Variants in SORCS3 observed in about 807,000 individuals in gnomAD.
SORCS3 encodes VPS10 domain-containing receptor SorCS3.
In SORCS3, 57 loss-of-function variants were observed where a neutral mutation model predicts 146.3. The ratio of observed to expected loss-of-function variants is 0.39; its 90% CI spans 0.31 to 0.49. The LOEUF is 0.49. Ranked by LOEUF, SORCS3 falls within the 20% of genes least tolerant of loss-of-function variation. SORCS3 has a pLI of 0.92. For missense variants in SORCS3, 1,341 were observed against 1,575.5 expected, an observed-to-expected ratio of 0.85 and a Z score of 2.52; for synonymous variants, 653 against 618.5, an observed-to-expected ratio of 1.06 and a Z score of -0.83.
intron 1 of SORCS3, among the ~76,000 whole-genome samples, chr10:104,753,522 A>G (rs891734885): frequency 6.6e-6 from 1 of 152,238 alleles, no homozygotes; most frequent in Admixed American, 6.5e-5. Flanking sequence ...AAGAGTGTTA[A>G]GTATTTACTG....
intron 9 of SORCS3, among the ~76,000 whole-genome samples, chr10:105,152,976 A>C (rs1450886176): frequency 6.6e-6 from 1 of 152,044 alleles, no homozygotes. Flanking sequence ...TAATTTATGT[A>C]TAGTAAAATT....
intron 7 of SORCS3, among the ~76,000 whole-genome samples, chr10:105,124,757 C>T (rs757692809): frequency 9.9e-5 from 15 of 152,102 alleles, no homozygotes; most frequent in Non-Finnish European, 1.9e-4. Flanking sequence ...CTCCCTCTAG[C>T]CTTGTAACCT....
intron 14 of SORCS3, among the ~76,000 whole-genome samples, chr10:105,181,385 T>A (rs1309077604): frequency 6.6e-6 from 1 of 151,968 alleles, no homozygotes; most frequent in Non-Finnish European, 1.5e-5. Flanking sequence ...TGTAGAGGTG[T>A]CTATATGGAG....
At chr10:105,073,552 C>T (rs1206341616) in intron 5 of SORCS3, among the ~76,000 whole-genome samples, 1 of 152,134 alleles carries the variant, frequency 6.6e-6, no homozygotes, top group East Asian at 1.9e-4. Flanking sequence ...TTGGGCCTTT[C>T]CATGAGGCTA....
chr10:105,167,445 G>A, intron 13 of SORCS3, 96 bp downstream of exon 13: 6 of 831,724 alleles, frequency 7.2e-6, no homozygotes, highest in Non-Finnish European at 1.2e-5. Context: ...GTACCCATTT[G>A]TACATTTCCT....
chr10:105,082,883 A>G (rs898258292), intron 5 of SORCS3, among the ~76,000 whole-genome samples: 1 of 152,042 alleles, frequency 6.6e-6, no homozygotes, highest in Non-Finnish European at 1.5e-5. Flanking sequence ...TGTACACACC[A>G]CCACACCCGG....
At chr10:104,727,154 A>T (rs1255584217) in intron 1 of SORCS3, among the ~76,000 whole-genome samples, 1 of 152,218 alleles carries the variant, frequency 6.6e-6, no homozygotes, top group African/African-American at 2.4e-5. Flanking sequence ...CAGGACTTTC[A>T]TGTGGTAGAT....
intron 2 of SORCS3, among the ~76,000 whole-genome samples, chr10:104,882,540 T>C (rs2018641778): frequency 6.6e-6 from 1 of 152,170 alleles, no homozygotes. Flanking sequence ...CTTAGAACTG[T>C]AGAATTCTAC....
intron 2 of SORCS3, among the ~76,000 whole-genome samples, chr10:104,870,357 T>C (rs1379582755): frequency 1.3e-5 from 2 of 152,228 alleles, no homozygotes; most frequent in Non-Finnish European, 2.9e-5. Context: ...CATGCATTTA[T>C]GCAACAGGTA....
At chr10:104,923,522 G>T (rs572586945) in intron 3 of SORCS3, among the ~76,000 whole-genome samples, 7 of 152,302 alleles carry the variant, frequency 4.6e-5, no homozygotes, top group African/African-American at 1.2e-4. Flanking sequence ...CAATTAAGGG[G>T]TTCTATCAGC....
chr10:104,836,560 G>T (rs1489023379), intron 1 of SORCS3, among the ~76,000 whole-genome samples: 2 of 152,120 alleles, frequency 1.3e-5, no homozygotes, highest in Non-Finnish European at 2.9e-5. Context: ...TAAGAAGTCA[G>T]CTATGTCCCT....
intron 5 of SORCS3, among the ~76,000 whole-genome samples, chr10:105,080,178 G>A (rs182819535): frequency 4.5e-4 from 68 of 152,130 alleles, no homozygotes; most frequent in African/African-American, 1.6e-3. Flanking sequence ...TCATACCAAC[G>A]TGCATAGGTA....
intron 21 of SORCS3, among the ~76,000 whole-genome samples, chr10:105,246,170 C>T (rs1381869438): frequency 6.6e-6 from 1 of 152,112 alleles, no homozygotes; most frequent in African/African-American, 2.4e-5. Context: ...AGGACTAGGG[C>T]AGAAGAGGGT....
chr10:104,753,763 A>G (rs1253183862), intron 1 of SORCS3, among the ~76,000 whole-genome samples: 6 of 152,122 alleles, frequency 3.9e-5, no homozygotes, highest in African/African-American at 1.4e-4. Context: ...CTTGGGGTTT[A>G]TGTTATGGCA....
intron 16 of SORCS3, among the ~76,000 whole-genome samples, chr10:105,207,421 G>T (rs1369949972): frequency 2.6e-5 from 4 of 152,084 alleles, no homozygotes; most frequent in African/African-American, 9.7e-5. Flanking sequence ...AGCTGTTATA[G>T]TTGAGAAAGA....
intron 1 of SORCS3, among the ~76,000 whole-genome samples, chr10:104,686,191 T>A (rs2016041385): frequency 6.6e-6 from 1 of 152,172 alleles, no homozygotes; most frequent in African/African-American, 2.4e-5. Context: ...GGGTATGGCC[T>A]GTTCTTTGGA....
chr10:104,723,488 A>C (rs1226916754), intron 1 of SORCS3, among the ~76,000 whole-genome samples: 1 of 152,176 alleles, frequency 6.6e-6, no homozygotes, highest in East Asian at 1.9e-4. Context: ...GTAGATGTCT[A>C]TTAGGTCTGC....
intron 14 of SORCS3, among the ~76,000 whole-genome samples, chr10:105,187,806 A>G (rs1337106948): frequency 1.3e-5 from 2 of 152,228 alleles, no homozygotes; most frequent in Non-Finnish European, 2.9e-5. Flanking sequence ...CTGTTTTAAG[A>G]GTTCTAGAAG....
At chr10:105,179,774 G>T (rs1272154308) in intron 14 of SORCS3, among the ~76,000 whole-genome samples, 1 of 152,212 alleles carries the variant, frequency 6.6e-6, no homozygotes, top group African/African-American at 2.4e-5. Context: ...TTGCCCAGTT[G>T]TGGAATGGCA....
Sources: allele counts gnomAD v4.1 joint callset (sites outside exome capture counted in the v4.1 genomes callset), GRCh38; gene constraint gnomAD v4.1.1; transcripts MANE v1.5; gene names NCBI Gene and HGNC (gene_info 2026-07-23, HGNC 2026-07-21).